The following LRSAM1 variants were observed in gnomAD, a reference collection of about 807,000 sequenced individuals.
LRSAM1 encodes E3 ubiquitin-protein ligase LRSAM1.
A neutral mutation model predicts 118.1 loss-of-function variants in LRSAM1; 96 were observed. The observed-to-expected ratio is 0.81, with a 90% confidence interval of 0.69 to 0.96. The LOEUF (loss-of-function observed/expected upper bound fraction) is 0.96, where lower values mean the gene tolerates loss of function less well. Ranked by LOEUF, LRSAM1 falls within the 40% of genes least tolerant of loss-of-function variation. LRSAM1 has a pLI of 0.00. For synonymous variants in LRSAM1, 322 were observed against 364.2 expected (o/e 0.88, Z 1.32); for missense variants, 804 against 915.5 (o/e 0.88, Z 1.57).
At chr9:127,483,447 A>AG (rs1392399046) in intron 16 of LRSAM1, among the ~76,000 whole-genome samples, 5 of 151,726 alleles carry the variant, frequency 3.3e-5, no homozygotes, top group Admixed American at 1.3e-4. Flanking sequence ...ACCATTTCTC[A>AG]GAAAAAAAAA....
rs117991222 is a variant in LRSAM1, at chr9:127,494,527, C to T, written c.1600-793C>T. On this transcript the variant is annotated intron_variant, in intron 21 of 25. Transcript: ENST00000300417. Reference sequence around the variant, plus strand: ...GTGCACAGCATGGTCTGGCACATGGCACTGTGAACATGTCAGCTACGCCTG... The same window carrying T: ...GTGCACAGCATGGTCTGGCACATGGTACTGTGAACATGTCAGCTACGCCTG... 2.2e-3 allele frequency among the ~76,000 whole-genome samples: 332 copies of T among 152,370 alleles called. 3 individuals carry two copies. In the East Asian group the frequency reaches 0.042, roughly 19 times the overall value.
At chr9:127,500,084 G>C (rs1836320465) in intron 24 of LRSAM1, among the ~76,000 whole-genome samples, 1 of 151,950 alleles carries the variant, frequency 6.6e-6, no homozygotes. Flanking sequence ...TTAGCAGCCG[G>C]GCACGTTGGC....
At chr9:127,483,900 T>C (rs1835630165) in intron 16 of LRSAM1, among the ~76,000 whole-genome samples, 1 of 151,820 alleles carries the variant, frequency 6.6e-6, no homozygotes, top group Non-Finnish European at 1.5e-5. Context: ...TGACCTCAAG[T>C]GATCGCCTGC....
intron 24 of LRSAM1, among the ~76,000 whole-genome samples, chr9:127,498,883 A>G (rs1291423105): frequency 2.6e-5 from 4 of 151,704 alleles, no homozygotes; most frequent in Non-Finnish European, 5.9e-5. Flanking sequence ...ACATGGTGAA[A>G]CCCTGTCTCT....
rs920390085 is a variant in LRSAM1 at position 127,461,318 on chromosome 9, G to T, written c.406+61G>T. The T allele has an allele frequency of 4.0e-6, 6 of 1,511,680 alleles. No individual in the cohort carries two copies. The African/African-American group carries it at 8.3e-5, about 21-fold the overall frequency. 93.6% of individuals were successfully genotyped at this position (1,511,680 alleles called of 1,614,324 possible). A position where few individuals can be genotyped will look rare whatever the true frequency, so the allele number is the denominator to read the frequency against. ...ATCAGCTCTGGGCCATCCTGGCCGG[G>T]ATCCACAGGCTGCCCCGCCCGGGAG... On this transcript the variant is annotated intron_variant, in intron 8 of 25. Coordinates refer to ENST00000300417, the MANE Select transcript of LRSAM1 (RefSeq NM_001005373.4).
At chr9:127,459,137 T>C (rs1473576915) in intron 7 of LRSAM1, 66 bp downstream of exon 7, 4 of 1,483,320 alleles carry the variant, frequency 2.7e-6, no homozygotes, top group African/African-American at 2.8e-5. Context: ...CACTCAAGCC[T>C]GGAATGTTCT....
In LRSAM1 at chr9:127,467,757, C is replaced by T. The variant is rs956107977; in HGVS notation, c.546C>T (p.Ala182=). 5.6e-6 allele frequency: 9 copies of T among 1,610,342 alleles called. No homozygotes were observed. Among genetic ancestry groups the T allele is most frequent in the Non-Finnish European group, 7.6e-6 (9 of 1,178,866 alleles). ...GTCTGCAGATGCTGAGCCTTGACGC[C>T]TCGGCCATGGTCTACCCGCCGCGGG... ...VRTLEMLSLD[A]SAMVYPPREV... is the part of the protein sequence containing the mutation. Residue 182 remains alanine, a synonymous_variant, in exon 10 of 26, where the codon GCC becomes GCT. Coordinates refer to ENST00000300417, the MANE Select transcript of LRSAM1 (RefSeq NM_001005373.4).
chr9:127,497,921 C>T (rs975620936), intron 24 of LRSAM1, among the ~76,000 whole-genome samples: 3 of 152,230 alleles, frequency 2.0e-5, no homozygotes, highest in African/African-American at 7.2e-5. Context: ...TTGTGGTCCT[C>T]ATTTTCAAGA....
chr9:127,489,930 A>G (rs1201379847), intron 19 of LRSAM1, among the ~76,000 whole-genome samples: 1 of 152,218 alleles, frequency 6.6e-6, no homozygotes, highest in Non-Finnish European at 1.5e-5. Context: ...AGGGGCATAT[A>G]GTATTTCCCC....
intron 9 of LRSAM1, 54 bp from the exon 10 acceptor site, chr9:127,467,686 G>T: frequency 6.7e-7 from 1 of 1,499,510 alleles, no homozygotes; most frequent in Non-Finnish European, 9.2e-7. Flanking sequence ...AAATCGTGTG[G>T]TCTCCGGTTG....
At position 127,479,874 on chromosome 9, in the gene LRSAM1, C is replaced by A; in HGVS notation, c.939C>A (p.His313Gln). 6.2e-7 allele frequency: 1 copy of A among 1,612,500 alleles called. No homozygotes were observed. The highest frequency in any genetic ancestry group is 8.5e-7 in the Non-Finnish European group (1 of 1,178,862). The change falls in exon 14 of 26, where the codon CAC (histidine) becomes CAA (glutamine). Residue 313 changes from histidine (H) to glutamine (Q), a missense_variant. Transcript: ENST00000300417. ...QSRLEQGLSE[H>Q]QRHLNAERQR... Reference sequence around the variant, plus strand: ...GGCTGGAGCAGGGCCTGAGTGAGCACCAGCGCCACCTCAACGCAGAGCGGC... The same window carrying A: ...GGCTGGAGCAGGGCCTGAGTGAGCAACAGCGCCACCTCAACGCAGAGCGGC...
rs772199579 is a variant in LRSAM1, at chr9:127,483,034, TG to T, written c.1159+18del. The T allele has an allele frequency of 6.2e-7, 1 of 1,606,632 alleles. No homozygotes were observed. The highest frequency in any genetic ancestry group is 8.5e-7 in the Non-Finnish European group (1 of 1,176,624). On this transcript the variant is annotated intron_variant, in intron 16 of 25. Transcript: ENST00000300417. ...GTGACGTTGCCTGTGAGTTTTGGGA[TG>T]GGGAGCTTGTGAGCACGCTGCCTGC...
chr9:127,489,759 G>A (rs749673102), intron 19 of LRSAM1, among the ~76,000 whole-genome samples: 2 of 152,328 alleles, frequency 1.3e-5, no homozygotes, highest in South Asian at 2.1e-4. Context: ...CCAGCGAGGC[G>A]GGTCTCCACC....
chr9:127,461,062 G>C (rs574253012), intron 7 of LRSAM1, 111 bp from the exon 8 acceptor site: 31 of 714,866 alleles, frequency 4.3e-5, no homozygotes, highest in Non-Finnish European at 7.3e-5. Context: ...CACTATGTTG[G>C]CCAGGCTGGT....
At chr9:127,479,307 G>A in intron 12 of LRSAM1, 76 bp from the exon 13 acceptor site, 1 of 1,606,948 alleles carries the variant, frequency 6.2e-7, no homozygotes, top group Non-Finnish European at 8.5e-7. Flanking sequence ...AGTGTTGAGG[G>A]GTGGATTCTC....
At chr9:127,498,766 A>G (rs1836252820) in intron 24 of LRSAM1, among the ~76,000 whole-genome samples, 1 of 152,166 alleles carries the variant, frequency 6.6e-6, no homozygotes, top group Admixed American at 6.5e-5. Flanking sequence ...TATATCAAAT[A>G]TAGAGGCTGG....
intron 25 of LRSAM1, 150 bp downstream of exon 25, chr9:127,501,293 C>T (rs1836382828): frequency 9.3e-7 from 1 of 1,076,632 alleles, no homozygotes; most frequent in Middle Eastern, 3.1e-4. Flanking sequence ...AAAGATGACC[C>T]CTGGTCCCAT....
chr9:127,478,959 G>C lies in LRSAM1; in HGVS notation c.776G>C (p.Arg259Thr). 1 of 1,613,844 alleles carries C rather than the reference G, an allele frequency of 6.2e-7. No homozygotes were observed. The highest frequency in any genetic ancestry group is 2.2e-5 in the East Asian group (1 of 44,886). The stretch of plus-strand genomic sequence containing the variant: ...AACAGGTTCTCAGACTATGAGAAGA[G>C]GAAGGTAAGAAAATGCCTTTACCCT... Reference protein sequence around the residue: ...WQNRFSDYEKRKEQKMLEKLE... With the variant: ...WQNRFSDYEKTKEQKMLEKLE... The change falls in exon 12 of 26, where the codon AGG (arginine) becomes ACG (threonine). Residue 259 changes from arginine (R) to threonine (T), a missense_variant. Transcript: ENST00000300417.
intron 23 of LRSAM1, 140 bp from the exon 24 acceptor site, chr9:127,497,113 C>T (rs961671707): frequency 3.7e-6 from 3 of 810,644 alleles, no homozygotes; most frequent in Non-Finnish European, 4.1e-6. Flanking sequence ...GACCGTGGGC[C>T]CCGCCAGGCC....
Sources: gnomAD v4.1 joint callset for allele counts (sites outside exome capture counted in the v4.1 genomes callset) on GRCh38, gnomAD v4.1.1 for gene constraint, MANE v1.5 for transcripts, NCBI Gene and HGNC (gene_info 2026-07-23, HGNC 2026-07-21) for gene names.